Variants in GSTA2 observed in about 807,000 individuals in gnomAD.
GSTA2 encodes glutathione S-transferase alpha 2, also known as glutathione S-transferase A2.
In GSTA2, 27 loss-of-function variants were observed where a neutral mutation model predicts 22.4. The observed-to-expected ratio is 1.21, with a 90% CI of 0.89 to 1.67. The LOEUF (loss-of-function observed/expected upper bound fraction) is 1.67, where lower values mean the gene tolerates loss of function less well. GSTA2 is among the 40% of genes most tolerant of loss of function. The probability of loss-of-function intolerance (pLI) is 0.00; values close to 1 mark genes in which losing one functional copy is unlikely to be tolerated. For synonymous variants in GSTA2, 121 were observed against 86.8 expected (o/e 1.39, Z -2.19); for missense variants, 302 against 260.2 (o/e 1.16, Z -1.11).
intron 2 of GSTA2, among the ~76,000 whole-genome samples, chr6:52,757,449 T>G (rs1392744471): frequency 6.7e-6 from 1 of 150,100 alleles, no homozygotes; most frequent in African/African-American, 2.5e-5. Context: ...CTTAAATACT[T>G]CAATGTGTTT....
Position 52,755,073 on chromosome 6 carries a change from C to T in GSTA2, c.142G>A (p.Gly48Arg). ...AEDLDKLRND[G>R]YLMFQQVPMV... is the part of the protein sequence containing the mutation. ...GGCACTTGCTGGAACATCAAATATC[C>T]ATCTTTAAGAGGAAGAAAAAAAAGG... is the stretch of plus-strand genomic sequence containing the variant. Residue 48 changes from glycine (G) to arginine (R), a missense_variant and splice_region_variant, in exon 4 of 7, where the codon GGA (glycine) becomes AGA (arginine). Transcript: ENST00000493422. The T allele has an allele frequency of 6.2e-7, 1 of 1,613,822 alleles. No homozygotes were observed. Among genetic ancestry groups the T allele is most frequent in the Non-Finnish European group, 8.5e-7 (1 of 1,179,950 alleles).
intron 1 of GSTA2, among the ~76,000 whole-genome samples, chr6:52,763,208 T>A (rs961251301): frequency 6.6e-6 from 1 of 152,192 alleles, no homozygotes; most frequent in Non-Finnish European, 1.5e-5. Context: ...TTCCCATACC[T>A]TTAAATGCTG....
intron 5 of GSTA2, among the ~76,000 whole-genome samples, chr6:52,752,353 A>T (rs1195007943): frequency 2.0e-5 from 3 of 152,162 alleles, no homozygotes; most frequent in Non-Finnish European, 4.4e-5. Context: ...TATAAAATGC[A>T]TTTTACAGAA....
chr6:52,755,001 G>C lies in GSTA2; in HGVS notation c.214C>G (p.Leu72Val). ...TTGTATTTGCTGGCAATGTAGTTGA[G>C]AATGGCTCTGGTCTGCACCAGCTTC... Reference protein sequence around the residue: ...GMKLVQTRAILNYIASKYNLY... With the variant: ...GMKLVQTRAIVNYIASKYNLY... Residue 72 changes from leucine (L) to valine (V), a missense_variant, in exon 4 of 7, where the codon CTC (leucine) becomes GTC (valine). Leu to Val is a conservative substitution (Grantham distance 32). Coordinates refer to ENST00000493422, the MANE Select transcript of GSTA2 (RefSeq NM_000846.5). 6.2e-7 allele frequency: 1 copy of C among 1,614,064 alleles called. No individual in the cohort carries two copies. The highest frequency in any genetic ancestry group is 8.5e-7 in the Non-Finnish European group (1 of 1,180,022).
chr6:52,751,132 C>T (rs555110822), intron 6 of GSTA2, among the ~76,000 whole-genome samples: 12 of 152,052 alleles, frequency 7.9e-5, no homozygotes, highest in East Asian at 1.9e-4. Context: ...GATACATTGT[C>T]GGGGGCAGAG....
intron 4 of GSTA2, among the ~76,000 whole-genome samples, chr6:52,754,678 A>G (rs1561894745): frequency 6.6e-6 from 1 of 152,094 alleles, no homozygotes; most frequent in Non-Finnish European, 1.5e-5. Flanking sequence ...TCCTCAGTTC[A>G]TTGGGTTTAT....
Position 52,750,548 on chromosome 6 carries a change from G to T in GSTA2, c.*29C>A. 2 of 1,610,534 alleles carry T rather than the reference G, an allele frequency of 1.2e-6. No homozygotes were observed. The highest frequency in any genetic ancestry group is 1.7e-6 in the Non-Finnish European group (2 of 1,177,548). On this transcript the variant is annotated 3_prime_UTR_variant, in exon 7 of 7. Coordinates refer to ENST00000493422, the MANE Select transcript of GSTA2 (RefSeq NM_000846.5). ...TGCAAAACTTTAGAATACTGGTCTT[G>T]CATGTTCTTGACCTCTATGGCTGGT...
chr6:52,763,251 A>G (rs1054228260), intron 1 of GSTA2, among the ~76,000 whole-genome samples, 193 bp downstream of exon 1: 6 of 152,066 alleles, frequency 3.9e-5, no homozygotes, highest in Admixed American at 2.0e-4. Flanking sequence ...TCATTTTTAC[A>G]TTTCTGTAAA....
intron 5 of GSTA2, among the ~76,000 whole-genome samples, chr6:52,752,412 C>T (rs1253862603): frequency 6.6e-6 from 1 of 152,144 alleles, no homozygotes; most frequent in African/African-American, 2.4e-5. Flanking sequence ...ATACTGATCC[C>T]TGAAACACTG....
At chr6:52,752,007 C>T (rs1485830405) in intron 5 of GSTA2, among the ~76,000 whole-genome samples, 1 of 152,222 alleles carries the variant, frequency 6.6e-6, no homozygotes, top group Non-Finnish European at 1.5e-5. Flanking sequence ...CACCTGCCGC[C>T]GCATGTTCTG....
At chr6:52,751,930 A>AT (rs1411714632) in intron 5 of GSTA2, among the ~76,000 whole-genome samples, 1 of 152,144 alleles carries the variant, frequency 6.6e-6, no homozygotes, top group African/African-American at 2.4e-5. Flanking sequence ...TTCTCTTCTC[A>AT]TCCACATCAC....
chr6:52,753,050 G>A, intron 4 of GSTA2, 55 bp from the exon 5 acceptor site: 4 of 1,515,028 alleles, frequency 2.6e-6, no homozygotes, highest in Non-Finnish European at 3.6e-6. Flanking sequence ...GATTTTATAG[G>A]TTTATAAAAA....
chr6:52,756,763 G>T (rs2180316), intron 2 of GSTA2, among the ~76,000 whole-genome samples: 28 of 152,156 alleles, frequency 1.8e-4, no homozygotes, highest in Admixed American at 6.5e-4. Context: ...AATTTGTATC[G>T]CCCCACTTCT....
At chr6:52,758,097 G>A (rs879748102) in intron 1 of GSTA2, 120 bp from the exon 2 acceptor site, 17 of 615,244 alleles carry the variant, frequency 2.8e-5, no homozygotes, top group South Asian at 4.3e-5. Flanking sequence ...TCTTCATGAC[G>A]GTGTTGGAGG....
At chr6:52,758,557 A>G (rs771014337) in intron 1 of GSTA2, among the ~76,000 whole-genome samples, 10 of 152,184 alleles carry the variant, frequency 6.6e-5, no homozygotes, top group Admixed American at 1.3e-4. Context: ...AAACCAGAGG[A>G]TGTCACTGAC....
Position 52,753,437 on chromosome 6 carries a change from G to A in GSTA2, c.273-442C>T, listed in dbSNP as rs548645707. Among the ~76,000 whole-genome samples, 10 of 152,214 alleles carry A rather than the reference G, an allele frequency of 6.6e-5. No homozygotes were observed. The South Asian group carries it at 2.1e-3, about 32-fold the overall frequency. On this transcript the variant is annotated intron_variant, in intron 4 of 6. Coordinates refer to ENST00000493422, the MANE Select transcript of GSTA2 (RefSeq NM_000846.5). Reference sequence around the variant, plus strand: ...CTAAGTAATCCTAAGAGAGTCCCTGGCACAGCCATCTCAGCCATATTCCTT... The same window carrying A: ...CTAAGTAATCCTAAGAGAGTCCCTGACACAGCCATCTCAGCCATATTCCTT...
At chr6:52,758,080 C>A (rs1762882219) in intron 1 of GSTA2, 103 bp from the exon 2 acceptor site, 2 of 688,100 alleles carry the variant, frequency 2.9e-6, no homozygotes, top group East Asian at 2.8e-5. Context: ...TGAAGAAGAA[C>A]CTGCCTTCTT....
rs542297646 is a variant in GSTA2 at position 52,756,185 on chromosome 6, G to T, written c.139+73C>A. Reference sequence around the variant, plus strand: ...ACCATGCCCCACACCCATAGACATTGCCGGCTGCGCAAACCTCCCCGTGTA... The same window carrying T: ...ACCATGCCCCACACCCATAGACATTTCCGGCTGCGCAAACCTCCCCGTGTA... On this transcript the variant is annotated intron_variant, in intron 3 of 6. Transcript: ENST00000493422. 86 of 988,942 alleles carry T rather than the reference G, an allele frequency of 8.7e-5. No individual in the cohort carries two copies. The East Asian group carries it at 1.4e-3, about 16-fold the overall frequency. The allele number at this position is 988,942 out of a possible 1,614,324, so 61.3% of individuals were successfully genotyped here. A position where few individuals can be genotyped will look rare whatever the true frequency, so the allele number is the denominator to read the frequency against.
intron 5 of GSTA2, among the ~76,000 whole-genome samples, chr6:52,752,159 C>A (rs1561893567): frequency 6.6e-6 from 1 of 151,916 alleles, no homozygotes; most frequent in Non-Finnish European, 1.5e-5. Flanking sequence ...ATTTCAGAGT[C>A]CTCATTTCTC....
Sources: gnomAD v4.1 joint callset for allele counts (sites outside exome capture counted in the v4.1 genomes callset) on GRCh38, gnomAD v4.1.1 for gene constraint, MANE v1.5 for transcripts, NCBI Gene and HGNC (gene_info 2026-07-23, HGNC 2026-07-21) for gene names.